The following AKR1D1 variants were observed in gnomAD, a reference collection of about 807,000 sequenced individuals.
AKR1D1 encodes the protein aldo-keto reductase family 1 member D1, also known as delta(4)-3-ketosteroid 5-beta-reductase.
AKR1D1 carries 32 observed loss-of-function variants against 42.6 expected under a neutral mutation model. The ratio of observed to expected loss-of-function variants is 0.75; its 90% CI spans 0.57 to 1.01. The LOEUF is 1.01. AKR1D1 is among the 50% of genes least tolerant of loss of function. The pLI is 0.00. For missense variants in AKR1D1, 364 were observed against 402.2 expected (o/e 0.91, Z 0.81); for synonymous variants, 123 against 135.5 (o/e 0.91, Z 0.64).
intron 5 of AKR1D1, 30 bp downstream of exon 5, chr7:138,105,459 G>A (rs1794404596): frequency 6.2e-7 from 1 of 1,613,110 alleles, no homozygotes; most frequent in Non-Finnish European, 8.5e-7. Flanking sequence ...ACTAGGGTGT[G>A]GGGAGTGGGG....
rs763260811 is a variant in AKR1D1, at chr7:138,105,439, A to G, written c.579+10A>G. 1 of 1,613,770 alleles carries G rather than the reference A, an allele frequency of 6.2e-7. No individual in the cohort carries two copies. Among genetic ancestry groups the G allele is most frequent in the Non-Finnish European group, 8.5e-7 (1 of 1,179,984 alleles). On this transcript the variant is annotated intron_variant, in intron 5 of 8. Transcript: ENST00000242375. ...GCCAGTCAGCAACCAGGTACAGCCT[A>G]ATAGCTTCCACTAGGGTGTGGGGAG...
chr7:138,084,287 G>A (rs1803121501), intron 1 of AKR1D1, among the ~76,000 whole-genome samples: 1 of 127,926 alleles, frequency 7.8e-6, no homozygotes. Flanking sequence ...TTTTGAGACA[G>A]GGTCTTGCTC....
intron 3 of AKR1D1, among the ~76,000 whole-genome samples, chr7:138,093,624 T>C (rs979042182): frequency 2.6e-5 from 4 of 152,206 alleles, no homozygotes; most frequent in Non-Finnish European, 4.4e-5. Flanking sequence ...TGTCTTCTTC[T>C]GGAATCCCTC....
At chr7:138,100,548 A>T (rs1794279760) in intron 4 of AKR1D1, among the ~76,000 whole-genome samples, 1 of 152,070 alleles carries the variant, frequency 6.6e-6, no homozygotes, top group East Asian at 1.9e-4. Flanking sequence ...AGCAATGAGT[A>T]TTACATGGGA....
intron 1 of AKR1D1, 96 bp downstream of exon 1, chr7:138,076,707 C>T: frequency 5.6e-6 from 6 of 1,076,318 alleles, no homozygotes; most frequent in Admixed American, 1.9e-5. Flanking sequence ...ATCTCATTGA[C>T]TTACTTTTTG....
At chr7:138,103,677 C>T (rs1585736519) in intron 4 of AKR1D1, among the ~76,000 whole-genome samples, 1 of 151,762 alleles carries the variant, frequency 6.6e-6, no homozygotes, top group East Asian at 1.9e-4. Flanking sequence ...GTTGGTATTA[C>T]TATATTAATA....
At chr7:138,088,151 A>G (rs1205202939) in intron 1 of AKR1D1, among the ~76,000 whole-genome samples, 1 of 152,074 alleles carries the variant, frequency 6.6e-6, no homozygotes, top group Non-Finnish European at 1.5e-5. Flanking sequence ...TCAGCCTCCC[A>G]AAGTCCTGGG....
At chr7:138,109,016 G>A (rs1369609266) in intron 7 of AKR1D1, among the ~76,000 whole-genome samples, 1 of 152,052 alleles carries the variant, frequency 6.6e-6, no homozygotes, top group Non-Finnish European at 1.5e-5. Context: ...ATATACATGG[G>A]TGCACACACA....
chr7:138,105,381 G>C lies in AKR1D1; in HGVS notation c.531G>C (p.Glu177Asp). The change falls in exon 5 of 9, where the codon GAG becomes GAC. Residue 177 changes from glutamate to aspartate, a missense_variant. Glu to Asp is a conservative substitution (Grantham distance 45, BLOSUM62 2). Coordinates refer to ENST00000242375, the MANE Select transcript of AKR1D1 (RefSeq NM_005989.4). ...GVSNFNRRQL[E>D]LILNKPGLKH... ...CCAATTTTAACCGCAGGCAGCTGGA[G>C]CTCATCCTGAACAAGCCAGGACTCA... 1 of 1,614,046 alleles carries C rather than the reference G, an allele frequency of 6.2e-7. No homozygotes were observed. The highest frequency in any genetic ancestry group is 8.5e-7 in the Non-Finnish European group (1 of 1,179,990).
chr7:138,110,826 C>T (rs111668684), intron 7 of AKR1D1, among the ~76,000 whole-genome samples: 5 of 152,116 alleles, frequency 3.3e-5, no homozygotes, highest in East Asian at 3.9e-4. Context: ...AAAGCTAATA[C>T]GGAGCCAGGA....
intron 2 of AKR1D1, among the ~76,000 whole-genome samples, chr7:138,090,226 A>T (rs1794036110): frequency 6.6e-6 from 1 of 152,184 alleles, no homozygotes; most frequent in Non-Finnish European, 1.5e-5. Flanking sequence ...ACATTTTTCC[A>T]CTACTCTCTT....
intron 1 of AKR1D1, among the ~76,000 whole-genome samples, chr7:138,080,551 A>G (rs773459524): frequency 1.3e-5 from 2 of 152,200 alleles, no homozygotes; most frequent in African/African-American, 2.4e-5. Context: ...GTTCCATCCC[A>G]TTTAATATTT....
chr7:138,086,002 G>C (rs1034798409), intron 1 of AKR1D1, among the ~76,000 whole-genome samples: 19 of 151,988 alleles, frequency 1.3e-4, no homozygotes, highest in Admixed American at 9.2e-4. Flanking sequence ...TTGAGCCCAA[G>C]AGTTTGAGAC....
chr7:138,090,463 C>T (rs1405934167), intron 2 of AKR1D1, among the ~76,000 whole-genome samples: 1 of 151,638 alleles, frequency 6.6e-6, no homozygotes, highest in Non-Finnish European at 1.5e-5. Context: ...ATGGTGAAAC[C>T]CCATCTCTAC....
chr7:138,091,911 T>A (rs1794091223), intron 3 of AKR1D1, 27 bp downstream of exon 3: 1 of 1,502,184 alleles, frequency 6.7e-7, no homozygotes, highest in East Asian at 2.3e-5. Context: ...AAAGGTCAGG[T>A]CTCTGCACCC....
At chr7:138,098,948 A>G (rs1794238247) in intron 4 of AKR1D1, among the ~76,000 whole-genome samples, 1 of 152,152 alleles carries the variant, frequency 6.6e-6, no homozygotes, top group South Asian at 2.1e-4. Flanking sequence ...AGCAGCCTTG[A>G]GATTCTGAAC....
chr7:138,102,701 G>A (rs1461375218), intron 4 of AKR1D1, among the ~76,000 whole-genome samples: 1 of 152,166 alleles, frequency 6.6e-6, no homozygotes, highest in Non-Finnish European at 1.5e-5. Flanking sequence ...TGTTAAAATA[G>A]ACCCATACAC....
intron 1 of AKR1D1, among the ~76,000 whole-genome samples, chr7:138,077,313 T>G (rs1802960734): frequency 6.6e-6 from 1 of 152,168 alleles, no homozygotes; most frequent in Admixed American, 6.6e-5. Context: ...AAACACGTCC[T>G]TCTTCATAAG....
intron 4 of AKR1D1, among the ~76,000 whole-genome samples, chr7:138,098,741 G>A (rs1021253851): frequency 1.1e-4 from 16 of 152,088 alleles, no homozygotes; most frequent in East Asian, 1.9e-4. Flanking sequence ...TTATGGATTC[G>A]TGGTGGGGAG....
Sources: allele counts gnomAD v4.1 joint callset (sites outside exome capture counted in the v4.1 genomes callset), GRCh38; gene constraint gnomAD v4.1.1; transcripts MANE v1.5; gene names NCBI Gene and HGNC (gene_info 2026-07-23, HGNC 2026-07-21).